The following ACBD3 variants were observed in gnomAD, a reference collection of about 807,000 sequenced individuals.
ACBD3 encodes Golgi resident protein GCP60.
A neutral mutation model predicts 66.9 loss-of-function variants in ACBD3; 30 were observed. That is an observed-to-expected ratio of 0.45 (90% CI 0.34 to 0.61). The LOEUF is 0.61. Among genes scored for constraint, ACBD3 ranks in the 20% least tolerant of loss-of-function variants. ACBD3 has a pLI of 0.02. For synonymous variants in ACBD3, 278 were observed against 259.8 expected (o/e 1.07, Z -0.68); for missense variants, 544 against 664.5 (o/e 0.82, Z 1.99).
At position 226,152,231 on chromosome 1, in the gene ACBD3, T is replaced by C. The variant is rs914933031; in HGVS notation, c.1375+104A>G. 3.5e-6 allele frequency: 5 copies of C among 1,423,044 alleles called. No individual in the cohort carries two copies. In the South Asian group the frequency reaches 4.0e-5, roughly 11 times the overall value. 88.2% of individuals were successfully genotyped at this position (1,423,044 alleles called of 1,614,324 possible). On this transcript the variant is annotated intron_variant, in intron 7 of 7. Transcript: ENST00000366812. ...TAATGAAGAAAGTGTTCCCTAACCA[T>C]GAAGTGTTAGTCAGGAAGCATAAGG...
Position 226,154,841 on chromosome 1 carries a change from C to A in ACBD3, c.904-8G>T, listed in dbSNP as rs1236433823. ...TTGTTTCTGTAATGCTGCCTACAAA[C>A]CAAGAGAAAGTGAAGACACACTGAC... On this transcript the variant is annotated splice_polypyrimidine_tract_variant and splice_region_variant and intron_variant, in intron 5 of 7. Transcript: ENST00000366812. 2.5e-6 allele frequency: 4 copies of A among 1,595,290 alleles called. No individual in the cohort carries two copies. The African/African-American group carries it at 5.4e-5, about 21-fold the overall frequency.
At chr1:226,173,609 TC>T (rs1307909184) in intron 1 of ACBD3, among the ~76,000 whole-genome samples, 2 of 151,840 alleles carry the variant, frequency 1.3e-5, no homozygotes, top group African/African-American at 4.8e-5. Context: ...AAAATAAAAA[TC>T]CTTCACAATC....
At chr1:226,153,386 G>A (rs1659614167) in intron 6 of ACBD3, among the ~76,000 whole-genome samples, 1 of 152,134 alleles carries the variant, frequency 6.6e-6, no homozygotes, top group South Asian at 2.1e-4. Context: ...AATTTCTTAT[G>A]AACCATACCA....
At chr1:226,183,615 C>T (rs575601925) in intron 1 of ACBD3, among the ~76,000 whole-genome samples, 9 of 152,194 alleles carry the variant, frequency 5.9e-5, no homozygotes, top group Admixed American at 5.2e-4. Context: ...ACAAAGGTGC[C>T]GGGCACGGTG....
intron 1 of ACBD3, among the ~76,000 whole-genome samples, chr1:226,184,592 GAA>G (rs1236042839): frequency 1.3e-5 from 2 of 152,186 alleles, no homozygotes; most frequent in African/African-American, 4.8e-5. Flanking sequence ...TTATACATAT[GAA>G]ACTGATTCTG....
chr1:226,163,538 A>C (rs1429493477), intron 3 of ACBD3, among the ~76,000 whole-genome samples: 1 of 152,162 alleles, frequency 6.6e-6, no homozygotes. Context: ...TCTTCTGAAA[A>C]TGTAATCAAG....
chr1:226,151,677 C>T (rs1659574634), intron 7 of ACBD3, among the ~76,000 whole-genome samples: 1 of 152,014 alleles, frequency 6.6e-6, no homozygotes, highest in Non-Finnish European at 1.5e-5. Flanking sequence ...TAAATAAATG[C>T]CAGGGTTGAC....
chr1:226,166,418 A>G (rs1045051385), intron 1 of ACBD3, among the ~76,000 whole-genome samples: 1 of 151,606 alleles, frequency 6.6e-6, no homozygotes, highest in Non-Finnish European at 1.5e-5. Context: ...GATTTGAGCC[A>G]GCATGCCCAG....
In ACBD3 at chr1:226,164,915, G is replaced by A. The variant is rs1659843784; in HGVS notation, c.443C>T (p.Ala148Val). 4 of 1,588,388 alleles carry A rather than the reference G, an allele frequency of 2.5e-6. No individual in the cohort carries two copies. Among genetic ancestry groups the A allele is most frequent in the Non-Finnish European group, 3.4e-6 (4 of 1,167,696 alleles). The change falls in exon 3 of 8, where the codon GCC becomes GTC. Residue 148 changes from alanine (A) to valine (V), a missense_variant. By Grantham distance (64) the Ala-to-Val change is moderately conservative (BLOSUM62 0). Coordinates refer to ENST00000366812, the MANE Select transcript of ACBD3 (RefSeq NM_022735.4). ...LGNDRRREWA[A>V]LGNMSKEDAM... Reference sequence around the variant, plus strand: ...ATCCTCTTTAGACATGTTTCCCAGGGCTGCCCATTCTCTCCTGTAAGGAAT... The same window carrying A: ...ATCCTCTTTAGACATGTTTCCCAGGACTGCCCATTCTCTCCTGTAAGGAAT...
At position 226,145,104 on chromosome 1, in the gene ACBD3, C is replaced by G. The variant is rs1427182121; in HGVS notation, c.*1506G>C. 1 of 152,230 alleles carries G rather than the reference C, an allele frequency of 6.6e-6. No homozygotes were observed. The highest frequency in any genetic ancestry group is 2.4e-5 in the African/African-American group (1 of 41,364). The allele number at this position is 152,230 out of a possible 1,614,324, so 9.4% of individuals were successfully genotyped here. A position where few individuals can be genotyped will look rare whatever the true frequency, so the allele number is the denominator to read the frequency against. On this transcript the variant is annotated 3_prime_UTR_variant, in exon 8 of 8. Coordinates refer to ENST00000366812, the MANE Select transcript of ACBD3 (RefSeq NM_022735.4). ...ATGTAACAGTATGAACACCTATGAGCTGGGACTACTTCTGAATCAAAATTA... is the reference window on the plus strand; with the variant it reads ...ATGTAACAGTATGAACACCTATGAGGTGGGACTACTTCTGAATCAAAATTA...
chr1:226,151,077 G>A (rs576307924), intron 7 of ACBD3, among the ~76,000 whole-genome samples: 1 of 152,270 alleles, frequency 6.6e-6, no homozygotes, highest in Non-Finnish European at 1.5e-5. Context: ...GAGGCCCCAG[G>A]GTGTTGCATG....
intron 1 of ACBD3, among the ~76,000 whole-genome samples, chr1:226,177,455 C>CA (rs1014565272): frequency 1.3e-5 from 2 of 151,790 alleles, no homozygotes; most frequent in African/African-American, 2.4e-5. Flanking sequence ...CTCAGCCTCC[C>CA]AGAGTGCTGG....
intron 3 of ACBD3, among the ~76,000 whole-genome samples, chr1:226,162,164 G>A (rs373495055): frequency 1.3e-5 from 2 of 151,896 alleles, no homozygotes; most frequent in East Asian, 1.9e-4. Flanking sequence ...ACAAGCACTC[G>A]ACAAACGTGT....
intron 1 of ACBD3, among the ~76,000 whole-genome samples, chr1:226,169,403 A>G (rs1659944393): frequency 6.6e-6 from 1 of 151,552 alleles, no homozygotes; most frequent in African/African-American, 2.4e-5. Flanking sequence ...GCCCGCCACC[A>G]TGCTCGGCTA....
chr1:226,161,630 T>G lies in ACBD3; in HGVS notation c.629A>C (p.Glu210Ala). 6.2e-7 allele frequency: 1 copy of G among 1,613,720 alleles called. No homozygotes were observed. The highest frequency in any genetic ancestry group is 1.1e-5 in the South Asian group (1 of 91,012). The part of the protein sequence containing the change: ...EEEERERLQK[E>A]EEKRRREEEE... Reference sequence around the variant, plus strand: ...TTCTTCTCTCCTACGTTTCTCTTCCTCCTTTTGCAGACGTTCTCTTTCTTC... The same window carrying G: ...TTCTTCTCTCCTACGTTTCTCTTCCGCCTTTTGCAGACGTTCTCTTTCTTC... Residue 210 changes from glutamate (E) to alanine (A), a missense_variant, in exon 4 of 8, where the codon GAG becomes GCG. This residue lies in a region of ACBD3 where 383 missense variants were observed against 462.4 expected (regional missense o/e 0.83). Transcript: ENST00000366812.
chr1:226,149,529 CTTTTTT>C (rs1170130229), intron 7 of ACBD3, among the ~76,000 whole-genome samples: 302 of 29,592 alleles, frequency 0.01, 4 homozygotes, highest in African/African-American at 0.045. Context: ...GCCCAGCCAT[CTTTTTT>C]TTTTTTTTTT....
chr1:226,177,705 T>C (rs1054626875), intron 1 of ACBD3, among the ~76,000 whole-genome samples: 2 of 152,072 alleles, frequency 1.3e-5, no homozygotes, highest in Non-Finnish European at 2.9e-5. Context: ...AGGAAAATCT[T>C]AAGTGCAGAC....
chr1:226,184,475 T>A (rs956404433), intron 1 of ACBD3, among the ~76,000 whole-genome samples: 5 of 152,160 alleles, frequency 3.3e-5, no homozygotes, highest in Non-Finnish European at 5.9e-5. Context: ...AAGTTATAAG[T>A]TTCCCCAGGA....
rs906998565 is a variant in ACBD3 at position 226,173,744 on chromosome 1, T to C, written c.287-7744A>G. ...AATCAGGTGAGAATAATTTTCTTCT[T>C]TTTTTTTCTTTTCTTTTTTTTTTTT... On this transcript the variant is annotated intron_variant, in intron 1 of 7. Transcript: ENST00000366812. Among the ~76,000 whole-genome samples the C allele has an allele frequency of 3.4e-5, 5 of 145,032 alleles. 1 individual carries two copies. The Admixed American group carries it at 3.6e-4, about 10-fold the overall frequency.
Sources: allele counts gnomAD v4.1 joint callset (sites outside exome capture counted in the v4.1 genomes callset), GRCh38; gene constraint gnomAD v4.1.1; regional missense constraint gnomAD v4.1.1; transcripts MANE v1.5; gene names NCBI Gene and HGNC (gene_info 2026-07-23, HGNC 2026-07-21).